Variants in ST8SIA5 observed in about 807,000 individuals in gnomAD.
ST8SIA5 encodes the protein alpha-2,8-sialyltransferase 8E.
Under a neutral mutation model 40.2 loss-of-function variants are expected in ST8SIA5, and 24 were observed. The ratio of observed to expected loss-of-function variants is 0.60; its 90% CI spans 0.43 to 0.84. The LOEUF is 0.84. Among genes scored for constraint, ST8SIA5 ranks in the 40% least tolerant of loss-of-function variants. ST8SIA5 has a pLI of 0.00. For synonymous variants in ST8SIA5, 198 were observed against 201.8 expected, an observed-to-expected ratio of 0.98 and a Z score of 0.16; for missense variants, 465 against 498.5, an observed-to-expected ratio of 0.93 and a Z score of 0.64.
intron 1 of ST8SIA5, among the ~76,000 whole-genome samples, chr18:46,728,667 T>C (rs1185585125): frequency 6.6e-6 from 1 of 152,198 alleles, no homozygotes; most frequent in East Asian, 1.9e-4. Context: ...AAAATGCAAC[T>C]GAACCCATCC....
rs187692923 is a variant in ST8SIA5 at position 46,681,393 on chromosome 18, T to C, written c.662+579A>G. 4.6e-5 allele frequency among the ~76,000 whole-genome samples: 7 copies of C among 152,324 alleles called. No individual in the cohort carries two copies. In the East Asian group the frequency reaches 1.4e-3, roughly 29 times the overall value. On this transcript the variant is annotated intron_variant, in intron 6 of 6. Transcript: ENST00000315087. ...CTGATCCAATTCAATGACCCCCTCC[T>C]CTCATCTCCCACTGTCCCCTCCTCT...
At chr18:46,730,708 G>C (rs1173224538) in intron 1 of ST8SIA5, among the ~76,000 whole-genome samples, 1 of 152,176 alleles carries the variant, frequency 6.6e-6, no homozygotes, top group Non-Finnish European at 1.5e-5. Flanking sequence ...GGCTGCGTCA[G>C]GAAAATCATT....
chr18:46,709,212 G>T (rs2039698321), intron 1 of ST8SIA5, among the ~76,000 whole-genome samples: 2 of 152,202 alleles, frequency 1.3e-5, no homozygotes, highest in African/African-American at 4.8e-5. Context: ...AGGTAATTAG[G>T]TTATGAGGTC....
chr18:46,756,437 G>T lies in ST8SIA5; in HGVS notation c.72C>A (p.Cys24Ter), dbSNP rs748453874. ...GSRTLLFIFI[C>*]AFALVTLLQQ... ...GCAGCAAGGTCACCAAGGCAAAGGC[G>T]CAGATGAAGATGAAGAGCAAAGTTC... Residue 24 changes from cysteine (C) to a stop codon, truncating the protein, a stop_gained, in exon 1 of 7, where the codon TGC becomes TGA. Transcript: ENST00000315087. LOFTEE classifies it high-confidence loss of function. 14 of 1,613,220 alleles carry T rather than the reference G, an allele frequency of 8.7e-6. No individual in the cohort carries two copies. The South Asian group carries it at 1.4e-4, about 16-fold the overall frequency.
intron 1 of ST8SIA5, among the ~76,000 whole-genome samples, chr18:46,717,381 G>A (rs1008337463): frequency 1.6e-4 from 24 of 152,098 alleles, no homozygotes; most frequent in African/African-American, 4.3e-4. Context: ...TGTTGCCCAG[G>A]CTGGAGTGCA....
intron 2 of ST8SIA5, among the ~76,000 whole-genome samples, chr18:46,700,973 T>C (rs2039607686): frequency 6.6e-6 from 1 of 152,072 alleles, no homozygotes; most frequent in African/African-American, 2.4e-5. Context: ...TGTTTGTGTT[T>C]TGAGCTCAAA....
intron 3 of ST8SIA5, among the ~76,000 whole-genome samples, chr18:46,689,920 G>A (rs2039488377): frequency 6.6e-6 from 1 of 151,368 alleles, no homozygotes; most frequent in Admixed American, 6.6e-5. Context: ...TTCATCTCTT[G>A]CAGGTACTTC....
intron 1 of ST8SIA5, among the ~76,000 whole-genome samples, chr18:46,711,899 C>T (rs1444868795): frequency 6.6e-6 from 1 of 152,198 alleles, no homozygotes; most frequent in Non-Finnish European, 1.5e-5. Context: ...ATTATCAGAG[C>T]TGTTTTGAGA....
intron 2 of ST8SIA5, among the ~76,000 whole-genome samples, chr18:46,695,036 G>A (rs111779045): frequency 0.038 from 5,714 of 151,936 alleles, 366 homozygotes; most frequent in African/African-American, 0.13. Flanking sequence ...GTGCGTGCCT[G>A]TAATCCCAGC....
intron 1 of ST8SIA5, among the ~76,000 whole-genome samples, chr18:46,732,024 C>T (rs1018243237): frequency 6.6e-6 from 1 of 152,198 alleles, no homozygotes; most frequent in Non-Finnish European, 1.5e-5. Flanking sequence ...TGTGGGAAGA[C>T]AGGCCTCGGG....
chr18:46,719,564 G>A (rs1263029866), intron 1 of ST8SIA5, among the ~76,000 whole-genome samples: 1 of 152,212 alleles, frequency 6.6e-6, no homozygotes, highest in East Asian at 1.9e-4. Flanking sequence ...TGGAGCCCAT[G>A]CAATGACAAT....
intron 5 of ST8SIA5, among the ~76,000 whole-genome samples, chr18:46,682,607 G>C (rs1023146872): frequency 1.3e-5 from 2 of 152,210 alleles, no homozygotes; most frequent in African/African-American, 4.8e-5. Context: ...GCCCCCAAAG[G>C]TGTCCATGTC....
rs185648383 is a variant in ST8SIA5 at position 46,673,358 on chromosome 18, T to A, written c.*6684A>T. The A allele has an allele frequency of 6.6e-6, 1 of 152,324 alleles. No individual in the cohort carries two copies. The highest frequency in any genetic ancestry group is 1.9e-4 in the East Asian group (1 of 5,168). 9.4% of individuals were successfully genotyped at this position (152,324 alleles called of 1,614,324 possible). A position where few individuals can be genotyped will look rare whatever the true frequency, so the allele number is the denominator to read the frequency against. ...CATAGTGGGTTATATATTATATTTG[T>A]ATGTACAGAAAAGGCAGAAGTTGGG... On this transcript the variant is annotated 3_prime_UTR_variant, in exon 7 of 7. Coordinates refer to ENST00000315087, the MANE Select transcript of ST8SIA5 (RefSeq NM_013305.6).
chr18:46,673,607 T>G lies in ST8SIA5; in HGVS notation c.*6435A>C, dbSNP rs1471712564. The G allele has an allele frequency of 6.6e-6, 1 of 152,092 alleles. No individual in the cohort carries two copies. Among genetic ancestry groups the G allele is most frequent in the African/African-American group, 2.4e-5 (1 of 41,436 alleles). 9.4% of individuals were successfully genotyped at this position (152,092 alleles called of 1,614,324 possible). A position where few individuals can be genotyped will look rare whatever the true frequency, so the allele number is the denominator to read the frequency against. On this transcript the variant is annotated 3_prime_UTR_variant, in exon 7 of 7. Transcript: ENST00000315087. Reference sequence around the variant, plus strand: ...ACCCAGGTGATTCTGATGCAGGCCATCAGAAGGCCATCCTACAGGGCATCC... The same window carrying G: ...ACCCAGGTGATTCTGATGCAGGCCAGCAGAAGGCCATCCTACAGGGCATCC...
In ST8SIA5 at chr18:46,714,272, G is replaced by A. The variant is rs181797776; in HGVS notation, c.132-9608C>T. ...GCCTCCAGCTGCCTTAACCTTGTGA[G>A]CATCCCCTAATCTAATGGGTGGGTG... On this transcript the variant is annotated intron_variant, in intron 1 of 6. Coordinates refer to ENST00000315087, the MANE Select transcript of ST8SIA5 (RefSeq NM_013305.6). Among the ~76,000 whole-genome samples, 6 of 152,286 alleles carry A rather than the reference G, an allele frequency of 3.9e-5. No homozygotes were observed. In the East Asian group the frequency reaches 1.2e-3, roughly 29 times the overall value.
intron 3 of ST8SIA5, 193 bp downstream of exon 3, chr18:46,691,976 T>C (rs1678573172): frequency 1.6e-6 from 1 of 609,320 alleles, no homozygotes; most frequent in Non-Finnish European, 3.0e-6. Flanking sequence ...GGATAGCACC[T>C]GGGCAAGGTG....
intron 1 of ST8SIA5, among the ~76,000 whole-genome samples, chr18:46,738,922 G>T (rs2040061422): frequency 6.6e-6 from 1 of 152,196 alleles, no homozygotes; most frequent in Non-Finnish European, 1.5e-5. Context: ...AGGCAGCCCA[G>T]CTTTTTGCCC....
intron 6 of ST8SIA5, among the ~76,000 whole-genome samples, chr18:46,680,905 A>C (rs2039388240): frequency 6.6e-6 from 1 of 152,174 alleles, no homozygotes; most frequent in Non-Finnish European, 1.5e-5. Flanking sequence ...GACAAACCCC[A>C]AATGCAGCTG....
chr18:46,748,431 G>GT (rs2144570322), intron 1 of ST8SIA5, among the ~76,000 whole-genome samples: 1 of 151,394 alleles, frequency 6.6e-6, no homozygotes, highest in Admixed American at 6.6e-5. Flanking sequence ...AGGCATGATG[G>GT]TATATACCTG....
Sources: gnomAD v4.1 joint callset for allele counts (sites outside exome capture counted in the v4.1 genomes callset) on GRCh38, gnomAD v4.1.1 for gene constraint, MANE v1.5 for transcripts, NCBI Gene and HGNC (gene_info 2026-07-23, HGNC 2026-07-21) for gene names.